Variants in HS3ST4 observed in about 807,000 individuals in gnomAD.
HS3ST4 encodes heparan sulfate-glucosamine 3-sulfotransferase 4, also known as heparan sulfate glucosamine 3-O-sulfotransferase 4.
Under a neutral mutation model 29.2 loss-of-function variants are expected in HS3ST4, and 17 were observed. The ratio of observed to expected loss-of-function variants is 0.58; its 90% CI spans 0.40 to 0.87. The LOEUF is 0.87. HS3ST4 is among the 40% of genes least tolerant of loss of function. HS3ST4 has a pLI of 0.00. For missense variants in HS3ST4, 627 were observed against 634.5 expected (o/e 0.99, Z 0.13); for synonymous variants, 314 against 285.7 (o/e 1.10, Z -1.00).
chr16:25,776,837 A>G (rs1011179351), intron 1 of HS3ST4, among the ~76,000 whole-genome samples: 1 of 152,128 alleles, frequency 6.6e-6, no homozygotes, highest in Non-Finnish European at 1.5e-5. Context: ...CTTTCTTTGT[A>G]TCATTTCTAA....
chr16:25,893,578 GC>G, intron 1 of HS3ST4, among the ~76,000 whole-genome samples: 1 of 152,294 alleles, frequency 6.6e-6, no homozygotes, highest in East Asian at 1.9e-4. Flanking sequence ...GTTCCCATTG[GC>G]CAGCTTTGAG....
intron 1 of HS3ST4, among the ~76,000 whole-genome samples, chr16:25,935,477 C>G (rs1360775870): frequency 6.6e-6 from 1 of 152,086 alleles, no homozygotes; most frequent in Admixed American, 6.5e-5. Context: ...CCTTTTTATT[C>G]TCCCCTCCCC....
chr16:25,877,030 T>C (rs1449860912), intron 1 of HS3ST4, among the ~76,000 whole-genome samples: 1 of 152,074 alleles, frequency 6.6e-6, no homozygotes, highest in Non-Finnish European at 1.5e-5. Flanking sequence ...TAAGTGTCAG[T>C]AAATGTTTAT....
At chr16:25,941,467 G>T (rs929714943) in intron 1 of HS3ST4, among the ~76,000 whole-genome samples, 3 of 150,108 alleles carry the variant, frequency 2.0e-5, no homozygotes, top group South Asian at 2.1e-4. Context: ...CCAATACCTG[G>T]TTTTTTATCC....
rs569285153 is a variant in HS3ST4 at position 26,079,885 on chromosome 16, C to T, written c.735-55727C>T. On this transcript the variant is annotated intron_variant, in intron 1 of 1. Coordinates refer to ENST00000331351, the MANE Select transcript of HS3ST4 (RefSeq NM_006040.3). ...TGTAAACATGGATAGTAATGGGATC[C>T]GCTACTTTCTGAGCGCAATGGTCAG... 2.3e-4 allele frequency among the ~76,000 whole-genome samples: 35 copies of T among 152,228 alleles called. No homozygotes were observed. The South Asian group carries it at 2.9e-3, about 13-fold the overall frequency.
At chr16:25,834,084 C>T (rs1157072503) in intron 1 of HS3ST4, among the ~76,000 whole-genome samples, 1 of 152,088 alleles carries the variant, frequency 6.6e-6, no homozygotes, top group Non-Finnish European at 1.5e-5. Context: ...GAACACATAA[C>T]ATTGTCAGTT....
intron 1 of HS3ST4, among the ~76,000 whole-genome samples, chr16:25,780,508 C>G (rs953204517): frequency 8.5e-5 from 13 of 152,102 alleles, no homozygotes; most frequent in African/African-American, 3.1e-4. Flanking sequence ...AATAAAGGAT[C>G]ATTATTATTT....
rs182690941 is a variant in HS3ST4 at position 25,834,765 on chromosome 16, G to A, written c.734+141614G>A. On this transcript the variant is annotated intron_variant, in intron 1 of 1. Coordinates refer to ENST00000331351, the MANE Select transcript of HS3ST4 (RefSeq NM_006040.3). The stretch of plus-strand genomic sequence containing the variant: ...GTTCGAGACCAGCCTGCCCAACATG[G>A]CGAAACTCTGTCTCTACCAAAAAAT... Among the ~76,000 whole-genome samples, 479 of 152,192 alleles carry A rather than the reference G, an allele frequency of 3.1e-3. 3 individuals are homozygous for A. The highest frequency in any genetic ancestry group is 0.011 in the African/African-American group (453 of 41,520).
chr16:26,094,438 G>T (rs1322327180), intron 1 of HS3ST4, among the ~76,000 whole-genome samples: 1 of 152,200 alleles, frequency 6.6e-6, no homozygotes, highest in African/African-American at 2.4e-5. Flanking sequence ...CTACAAGCCA[G>T]AAGAGAGTGG....
Position 26,044,153 on chromosome 16 carries a change from G to T in HS3ST4, c.735-91459G>T, listed in dbSNP as rs537190624. On this transcript the variant is annotated intron_variant, in intron 1 of 1. Transcript: ENST00000331351. ...GAATACTGGGTTCACTGCGTCGTGTGGATAAAGAAACCCAGTGGTGGCTTT... is the reference window on the plus strand; with the variant it reads ...GAATACTGGGTTCACTGCGTCGTGTTGATAAAGAAACCCAGTGGTGGCTTT... Among the ~76,000 whole-genome samples, 3 of 152,064 alleles carry T rather than the reference G, an allele frequency of 2.0e-5. No individual in the cohort carries two copies. The East Asian group carries it at 5.8e-4, about 30-fold the overall frequency.
At chr16:25,897,420 C>A (rs1968077836) in intron 1 of HS3ST4, among the ~76,000 whole-genome samples, 1 of 152,092 alleles carries the variant, frequency 6.6e-6, no homozygotes, top group East Asian at 1.9e-4. Context: ...CTGCTGCACT[C>A]CAGCCTGGGC....
At chr16:25,903,302 G>GTGTGTGTGTGTATGTATATATTATATACA (rs151301516) in intron 1 of HS3ST4, among the ~76,000 whole-genome samples, 1 of 103,500 alleles carries the variant, frequency 9.7e-6, no homozygotes, top group Admixed American at 1.0e-4. Flanking sequence ...GTGTGTGTGT[G>GTGTGTGTGTGTATGTATATATTATATACA]TATGTATATG....
chr16:25,864,921 T>G (rs946253190), intron 1 of HS3ST4, among the ~76,000 whole-genome samples: 4 of 146,232 alleles, frequency 2.7e-5, no homozygotes, highest in Admixed American at 7.2e-5. Flanking sequence ...ACACACACAA[T>G]GGAATATTAT....
chr16:26,117,155 G>A (rs552840452), intron 1 of HS3ST4, among the ~76,000 whole-genome samples: 1 of 152,156 alleles, frequency 6.6e-6, no homozygotes, highest in South Asian at 2.1e-4. Context: ...CTCCCTGTGG[G>A]GACTAAGGAA....
At chr16:26,005,182 T>C (rs749171978) in intron 1 of HS3ST4, among the ~76,000 whole-genome samples, 2 of 152,152 alleles carry the variant, frequency 1.3e-5, no homozygotes, top group Non-Finnish European at 2.9e-5. Context: ...CTAGCAAAAA[T>C]CCACAGTAGG....
At chr16:26,093,752 G>A (rs530995603) in intron 1 of HS3ST4, among the ~76,000 whole-genome samples, 7 of 152,294 alleles carry the variant, frequency 4.6e-5, no homozygotes, top group East Asian at 1.9e-4. Context: ...AAAGCTGGAC[G>A]GGGAATGACT....
chr16:26,069,841 A>G (rs867646640), intron 1 of HS3ST4, among the ~76,000 whole-genome samples: 1 of 151,944 alleles, frequency 6.6e-6, no homozygotes, highest in Admixed American at 6.6e-5. Context: ...TTTGCTGACA[A>G]TGATGGTTTC....
chr16:25,697,405 G>GT (rs1228696042), intron 1 of HS3ST4, among the ~76,000 whole-genome samples: 1 of 152,200 alleles, frequency 6.6e-6, no homozygotes, highest in African/African-American at 2.4e-5. Context: ...GAAATGTGCT[G>GT]TAAGTGTAAG....
chr16:26,020,880 T>C lies in HS3ST4; in HGVS notation c.735-114732T>C, dbSNP rs149598705. On this transcript the variant is annotated intron_variant, in intron 1 of 1. Coordinates refer to ENST00000331351, the MANE Select transcript of HS3ST4 (RefSeq NM_006040.3). The stretch of plus-strand genomic sequence containing the variant: ...GGTTCAAGCCCAATCTCTACATGTA[T>C]TAGTTTTGCAAATTTTGGTGAATTA... Among the ~76,000 whole-genome samples, 387 of 152,296 alleles carry C rather than the reference T, an allele frequency of 2.5e-3. 1 individual carries two copies. The highest frequency in any genetic ancestry group is 3.9e-3 in the Non-Finnish European group (264 of 68,022).
Sources: gnomAD v4.1 joint callset for allele counts (sites outside exome capture counted in the v4.1 genomes callset) on GRCh38, gnomAD v4.1.1 for gene constraint, MANE v1.5 for transcripts, NCBI Gene and HGNC (gene_info 2026-07-23, HGNC 2026-07-21) for gene names.